Variants in SNX4 observed in about 807,000 individuals in gnomAD.
The protein encoded by SNX4 is sorting nexin-4.
SNX4 carries 49 observed loss-of-function variants against 70.8 expected under a neutral mutation model. That is an observed-to-expected ratio of 0.69 (90% CI 0.55 to 0.88). The LOEUF (loss-of-function observed/expected upper bound fraction) is 0.88. Among genes scored for constraint, SNX4 ranks in the 40% least tolerant of loss-of-function variants. SNX4 has a pLI of 0.00. For missense variants in SNX4, 528 were observed against 544.8 expected (o/e 0.97, Z 0.31); for synonymous variants, 206 against 183.8 (o/e 1.12, Z -0.98).
At chr3:125,491,324 T>C (rs1162267380) in intron 5 of SNX4, among the ~76,000 whole-genome samples, 1 of 152,196 alleles carries the variant, frequency 6.6e-6, no homozygotes, top group Non-Finnish European at 1.5e-5. Flanking sequence ...ATGACTTCAG[T>C]CACATGCAAA....
chr3:125,459,771 T>C (rs1933828098), intron 10 of SNX4, among the ~76,000 whole-genome samples: 1 of 152,050 alleles, frequency 6.6e-6, no homozygotes, highest in African/African-American at 2.4e-5. Context: ...GAAAATACAT[T>C]GGTGAGACTT....
chr3:125,472,793 A>C (rs1934206712), intron 8 of SNX4, among the ~76,000 whole-genome samples: 1 of 151,892 alleles, frequency 6.6e-6, no homozygotes, highest in Admixed American at 6.6e-5. Context: ...CAACCACACA[A>C]TTACACAAAC....
At chr3:125,447,902 C>T (rs1933466901) in intron 13 of SNX4, 76 bp from the exon 14 acceptor site, 1 of 901,222 alleles carries the variant, frequency 1.1e-6, no homozygotes, top group Non-Finnish European at 1.7e-6. Context: ...CTTAGTGGTA[C>T]ACTAAGTTTT....
At chr3:125,509,752 C>CAAAAAAAAAAAAAAAAAAAAAAAA in intron 1 of SNX4, among the ~76,000 whole-genome samples, 1 of 68,686 alleles carries the variant, frequency 1.5e-5, no homozygotes, top group Non-Finnish European at 2.8e-5. Context: ...GAATCTGTCT[C>CAAAAAAAAAAAAAAAAAAAAAAAA]AAAAAAAAAA....
At chr3:125,471,344 C>CAAAGAAAAAAAAA (rs1934166118) in intron 8 of SNX4, among the ~76,000 whole-genome samples, 1 of 28,160 alleles carries the variant, frequency 3.6e-5, no homozygotes, top group Non-Finnish European at 5.8e-5. Flanking sequence ...AGCTCCATCT[C>CAAAGAAAAAAAAA]AAAAAAAAAA....
At position 125,498,183 on chromosome 3, in the gene SNX4, T is replaced by C. The variant is rs1352273072; in HGVS notation, c.275A>G (p.His92Arg). ...AYLIETRSVEHTDGQSVLTDS... is the reference protein window; with the variant it reads ...AYLIETRSVERTDGQSVLTDS... ...TGTTAGGACACTCTGACCATCGGTA[T>C]GTTCAACTGACCTGAAAAGGAACAG... is the stretch of plus-strand genomic sequence containing the variant. Residue 92 changes from histidine (H) to arginine (R), a missense_variant, in exon 3 of 14, where the codon CAT becomes CGT. Physicochemically the swap from His to Arg is conservative, Grantham distance 29. This residue lies in a region of SNX4 where 341 missense variants were observed against 312.2 expected (regional missense o/e 1.09). Coordinates refer to ENST00000251775, the MANE Select transcript of SNX4 (RefSeq NM_003794.4). 2 of 1,613,516 alleles carry C rather than the reference T, an allele frequency of 1.2e-6. No homozygotes were observed. The highest frequency in any genetic ancestry group is 2.2e-5 in the East Asian group (1 of 44,880).
At chr3:125,490,779 T>TA (rs1451907839) in intron 5 of SNX4, among the ~76,000 whole-genome samples, 5 of 147,192 alleles carry the variant, frequency 3.4e-5, no homozygotes, top group East Asian at 4.0e-4. Flanking sequence ...AAATTCTCAT[T>TA]AAAAAAACAA....
Position 125,516,966 on chromosome 3 carries a change from A to G in SNX4, c.141+3066T>C, listed in dbSNP as rs139898364. The G allele has an allele frequency of 1.3e-4, 19 of 151,744 alleles. No individual in the cohort carries two copies. The East Asian group carries it at 3.7e-3, about 29-fold the overall frequency. The allele number at this position is 151,744 out of a possible 1,614,324, so 9.4% of individuals were successfully genotyped here. A position where few individuals can be genotyped will look rare whatever the true frequency, so the allele number is the denominator to read the frequency against. ...CTTTCAAACCTTTTTTTCCTTTCCA[A>G]AATTACAACTTAGGCTGGTCTGAAG... On this transcript the variant is annotated intron_variant, in intron 1 of 13. Coordinates refer to ENST00000251775, the MANE Select transcript of SNX4 (RefSeq NM_003794.4).
chr3:125,506,817 T>TG (rs199752160), intron 1 of SNX4, among the ~76,000 whole-genome samples: 16 of 26,830 alleles, frequency 6.0e-4, no homozygotes, highest in African/African-American at 1.3e-3. Flanking sequence ...GTGGAGAAAG[T>TG]AAAAAAAAAA....
intron 1 of SNX4, among the ~76,000 whole-genome samples, chr3:125,507,189 T>C (rs1281128819): frequency 1.8e-4 from 10 of 56,850 alleles, no homozygotes; most frequent in Non-Finnish European, 2.9e-4. Flanking sequence ...GCCTGGGTGA[T>C]AGAAAAAAAA....
intron 9 of SNX4, among the ~76,000 whole-genome samples, chr3:125,462,593 C>CAA (rs34157775): frequency 0.042 from 1,952 of 46,312 alleles, 18 homozygotes; most frequent in African/African-American, 0.068. Flanking sequence ...TCTGTCTCAC[C>CAA]AAAAAAAAAA....
At chr3:125,452,958 C>T (rs1464382074) in intron 12 of SNX4, among the ~76,000 whole-genome samples, 1 of 152,092 alleles carries the variant, frequency 6.6e-6, no homozygotes, top group Non-Finnish European at 1.5e-5. Flanking sequence ...ATATTTGGTG[C>T]TAGTAGTTCT....
chr3:125,457,108 G>C (rs1419775344), intron 11 of SNX4, among the ~76,000 whole-genome samples, 158 bp downstream of exon 11: 1 of 152,048 alleles, frequency 6.6e-6, no homozygotes, highest in Non-Finnish European at 1.5e-5. Context: ...GAATTATAAA[G>C]TTACTCACAA....
intron 1 of SNX4, among the ~76,000 whole-genome samples, chr3:125,519,101 G>T (rs1935341331): frequency 6.6e-6 from 1 of 152,150 alleles, no homozygotes; most frequent in Non-Finnish European, 1.5e-5. Context: ...TGAGGCAGGA[G>T]GATTGTTTGA....
chr3:125,448,893 G>A (rs1211611589), intron 13 of SNX4, among the ~76,000 whole-genome samples: 1 of 151,374 alleles, frequency 6.6e-6, no homozygotes, highest in Non-Finnish European at 1.5e-5. Flanking sequence ...TAGGCAGGAT[G>A]GTGTCGATCT....
chr3:125,463,789 T>A (rs1398945983), intron 9 of SNX4, among the ~76,000 whole-genome samples: 3 of 152,236 alleles, frequency 2.0e-5, no homozygotes, highest in African/African-American at 7.2e-5. Flanking sequence ...TGGCATTATT[T>A]TTGTGGTGAG....
chr3:125,455,792 T>C (rs7642088), intron 11 of SNX4, among the ~76,000 whole-genome samples: 26,722 of 151,970 alleles, frequency 0.18, 2,633 homozygotes, highest in African/African-American at 0.26. Flanking sequence ...GGCGGGCGGA[T>C]CACGAGGTCA....
chr3:125,458,895 T>A, intron 10 of SNX4, among the ~76,000 whole-genome samples: 2 of 144,874 alleles, frequency 1.4e-5, no homozygotes, highest in African/African-American at 5.2e-5. Context: ...AAAAAGAGGC[T>A]GGGCATGGTG....
At chr3:125,505,519 G>A (rs1336188842) in intron 1 of SNX4, among the ~76,000 whole-genome samples, 1 of 152,198 alleles carries the variant, frequency 6.6e-6, no homozygotes, top group Non-Finnish European at 1.5e-5. Flanking sequence ...CTATCCCTTA[G>A]TGCCTAGCAG....
Sources: gnomAD v4.1 joint callset for allele counts (sites outside exome capture counted in the v4.1 genomes callset) on GRCh38, gnomAD v4.1.1 for gene constraint, gnomAD v4.1.1 regional missense constraint, MANE v1.5 for transcripts, NCBI Gene and HGNC (gene_info 2026-07-23, HGNC 2026-07-21) for gene names.